The following ALMS1 variants were observed in gnomAD, a reference collection of about 807,000 sequenced individuals.
ALMS1 encodes the protein ALMS1 centrosome and basal body associated protein, also known as centrosome-associated protein ALMS1.
In ALMS1, 271 loss-of-function variants were observed where a neutral mutation model predicts 352.2. That is an observed-to-expected ratio of 0.77 (90% CI 0.70 to 0.85). The LOEUF (loss-of-function observed/expected upper bound fraction) is 0.85. Ranked by LOEUF, ALMS1 falls within the 40% of genes least tolerant of loss-of-function variation. The pLI, the probability that ALMS1 is intolerant of heterozygous loss-of-function variation, is 0.00. For missense variants in ALMS1, 5,445 were observed against 4,870.7 expected, an observed-to-expected ratio of 1.12 and a Z score of -3.51; for synonymous variants, 1,865 against 1,761.2, an observed-to-expected ratio of 1.06 and a Z score of -1.48.
At chr2:73,429,278 C>CTTTTTTTT (rs5832107) in intron 6 of ALMS1, among the ~76,000 whole-genome samples, 28 of 102,684 alleles carry the variant, frequency 2.7e-4, no homozygotes, top group Non-Finnish European at 3.8e-4. Context: ...AATTAATATG[C>CTTTTTTTT]TTTTTTTTTT....
rs145009331 is a variant in ALMS1 at position 73,424,487 on chromosome 2, T to C, written c.822T>C (p.Ser274=). 53 of 1,604,226 alleles carry C rather than the reference T, an allele frequency of 3.3e-5. No individual in the cohort carries two copies. In the African/African-American group the frequency reaches 6.7e-4, roughly 20 times the overall value. ...GGTCTTCTCGACCATCGGAAGTTAG[T>C]GAAGCTTTATTCCAGGCTACTGCAG... The part of the protein sequence containing the change: ...TEWSSRPSEV[S]EALFQATAEV... Residue 274 remains serine (S), a synonymous_variant, in exon 5 of 23, where the codon AGT becomes AGC. Transcript: ENST00000613296.
intron 11 of ALMS1, among the ~76,000 whole-genome samples, chr2:73,521,683 G>C (rs1304768050): frequency 1.3e-5 from 2 of 151,750 alleles, no homozygotes; most frequent in Non-Finnish European, 2.9e-5. Context: ...CCAGGAGGCG[G>C]AGCTTGCAGT....
intron 12 of ALMS1, among the ~76,000 whole-genome samples, chr2:73,538,339 C>A (rs1360302773): frequency 6.6e-6 from 1 of 152,138 alleles, no homozygotes; most frequent in Non-Finnish European, 1.5e-5. Context: ...AAATACCAAA[C>A]AAAACCATAG....
At chr2:73,522,837 A>G (rs1220580331) in intron 11 of ALMS1, among the ~76,000 whole-genome samples, 3 of 152,180 alleles carry the variant, frequency 2.0e-5, no homozygotes, top group South Asian at 2.1e-4. Context: ...AGTGATAGAA[A>G]TTAATGCCTC....
At chr2:73,545,887 A>G (rs963736244) in intron 12 of ALMS1, among the ~76,000 whole-genome samples, 4 of 152,226 alleles carry the variant, frequency 2.6e-5, no homozygotes, top group African/African-American at 9.6e-5. Flanking sequence ...TCATTCTCAA[A>G]ATTAATTGTA....
At chr2:73,491,565 T>C in intron 10 of ALMS1, 67 bp downstream of exon 10, 1 of 1,531,766 alleles carries the variant, frequency 6.5e-7, no homozygotes, top group Non-Finnish European at 9.0e-7. Context: ...AATACTTAAG[T>C]AGATATCGGT....
intron 3 of ALMS1, among the ~76,000 whole-genome samples, chr2:73,420,477 A>G (rs1671261681): frequency 6.6e-6 from 1 of 152,182 alleles, no homozygotes; most frequent in South Asian, 2.1e-4. Context: ...ACCCTTTATT[A>G]AAAAAGGTTT....
Position 73,385,930 on chromosome 2 carries a change from AGGAGGAGGAG to A in ALMS1, c.64_73del (p.Glu22LysfsTer16). Reference sequence around the variant, plus strand: ...GAGGAGGAGGAGGAGGAGGAGGAGGAGGAGGAGGAGGAAGAGGAGGAGGCTGCAGCGGCGG... The same window carrying A: ...GAGGAGGAGGAGGAGGAGGAGGAGGAGAAGAGGAGGAGGCTGCAGCGGCGG... On this transcript the variant is annotated frameshift_variant, in exon 1 of 23. Transcript: ENST00000613296. LOFTEE classifies it high-confidence loss of function. 1 of 1,063,370 alleles carries A rather than the reference AGGAGGAGGAG, an allele frequency of 9.4e-7. No homozygotes were observed. The highest frequency in any genetic ancestry group is 1.4e-6 in the Non-Finnish European group (1 of 708,446). The allele number at this position is 1,063,370 out of a possible 1,614,324, so 65.9% of individuals were successfully genotyped here.
Position 73,432,649 on chromosome 2 carries a change from A to G in ALMS1, c.1432+358A>G, listed in dbSNP as rs1454100636. ...GGTCTCTCTGGAGTCGTTTTTTGTA[A>G]TGGGCACTAATCCCAAACATGTGGC... On this transcript the variant is annotated intron_variant, in intron 7 of 22. Transcript: ENST00000613296. 4.0e-5 allele frequency among the ~76,000 whole-genome samples: 6 copies of G among 151,464 alleles called. No individual in the cohort carries two copies. In the South Asian group the frequency reaches 6.4e-4, roughly 16 times the overall value.
At position 73,522,747 on chromosome 2, in the gene ALMS1, GT is replaced by G. The variant is rs200153383; in HGVS notation, c.9781+2732del. Among the ~76,000 whole-genome samples, 393 of 152,286 alleles carry G rather than the reference GT, an allele frequency of 2.6e-3. 3 individuals are homozygous for G. The highest frequency in any genetic ancestry group is 8.5e-3 in the African/African-American group (354 of 41,562). ...CTCCCAAAGTGTTGGGATTACAGGC[GT>G]GAGCCACTGCGCCTGGCCAAGGTCA... On this transcript the variant is annotated intron_variant, in intron 11 of 22. Coordinates refer to ENST00000613296, the MANE Select transcript of ALMS1 (RefSeq NM_001378454.1).
At chr2:73,532,529 C>G (rs994748799) in intron 11 of ALMS1, among the ~76,000 whole-genome samples, 2 of 152,202 alleles carry the variant, frequency 1.3e-5, no homozygotes, top group Non-Finnish European at 2.9e-5. Flanking sequence ...CTTGTGGTGA[C>G]TGCTGGCTGC....
chr2:73,473,643 A>G (rs1672513794), intron 9 of ALMS1, among the ~76,000 whole-genome samples: 1 of 152,098 alleles, frequency 6.6e-6, no homozygotes, highest in South Asian at 2.1e-4. Context: ...GAACTAAGGG[A>G]AACCAAGAAA....
At position 73,490,360 on chromosome 2, in the gene ALMS1, G is replaced by A. The variant is rs780847401; in HGVS notation, c.8401G>A (p.Asp2801Asn). The A allele has an allele frequency of 1.2e-6, 2 of 1,612,898 alleles. No individual in the cohort carries two copies. Among genetic ancestry groups the A allele is most frequent in the South Asian group, 2.2e-5 (2 of 90,862 alleles). The change falls in exon 10 of 23, where the codon GAT (aspartate) becomes AAT (asparagine). Residue 2801 changes from aspartate (D) to asparagine (N), a missense_variant. Physicochemically the swap from Asp to Asn is conservative, Grantham distance 23 (BLOSUM62 1). Coordinates refer to ENST00000613296, the MANE Select transcript of ALMS1 (RefSeq NM_001378454.1). ...GRRQSQKLPV[D>N]FERSFQEEKP... ...AAGGCAAAGCCAAAAATTACCTGTTGATTTTGAGCGTTCTTTTCAAGAAGA... is the reference window on the plus strand; with the variant it reads ...AAGGCAAAGCCAAAAATTACCTGTTAATTTTGAGCGTTCTTTTCAAGAAGA...
rs772624348 is a variant in ALMS1, at chr2:73,572,357, C to T, written c.10480C>T (p.Gln3494Ter). ...IHHPVHLPSD[Q>*]DICHESLGKS... Reference sequence around the variant, plus strand: ...TCATCCCGTACACCTACCAAGTGATCAAGATATTTGCCATGAATCTTTGGG... The same window carrying T: ...TCATCCCGTACACCTACCAAGTGATTAAGATATTTGCCATGAATCTTTGGG... Residue 3494 changes from glutamine to a stop codon, truncating the protein, a stop_gained, in exon 16 of 23, where the codon CAA becomes TAA. Coordinates refer to ENST00000613296, the MANE Select transcript of ALMS1 (RefSeq NM_001378454.1). LOFTEE classifies it high-confidence loss of function. 104 of 1,608,160 alleles carry T rather than the reference C, an allele frequency of 6.5e-5. No individual in the cohort carries two copies. The highest frequency in any genetic ancestry group is 8.7e-5 in the Non-Finnish European group (103 of 1,177,758).
chr2:73,453,600 C>G lies in ALMS1; in HGVS notation c.7073C>G (p.Thr2358Arg). The G allele has an allele frequency of 1.2e-6, 2 of 1,613,902 alleles. No homozygotes were observed. The highest frequency in any genetic ancestry group is 1.7e-6 in the Non-Finnish European group (2 of 1,179,996). Residue 2358 changes from threonine to arginine, a missense_variant, in exon 8 of 23, where the codon ACA (threonine) becomes AGA (arginine). Physicochemically the swap from Thr to Arg is moderately conservative, Grantham distance 71. Coordinates refer to ENST00000613296, the MANE Select transcript of ALMS1 (RefSeq NM_001378454.1). The stretch of plus-strand genomic sequence containing the variant: ...AATTGGGAGTTTATTAGTTCAACTA[C>G]AGTTAGAAGTCCTCTACAGGAAGCA... Reference protein sequence around the residue: ...IENWEFISSTTVRSPLQEAES... With the variant: ...IENWEFISSTRVRSPLQEAES...
At chr2:73,582,544 A>G (rs2104135401) in intron 16 of ALMS1, among the ~76,000 whole-genome samples, 1 of 152,252 alleles carries the variant, frequency 6.6e-6, no homozygotes, top group Non-Finnish European at 1.5e-5. Flanking sequence ...CCCGTCCCCC[A>G]GCTCCTGGTA....
chr2:73,604,442 T>C (rs145238313), intron 21 of ALMS1, among the ~76,000 whole-genome samples: 43 of 152,374 alleles, frequency 2.8e-4, no homozygotes, highest in African/African-American at 9.9e-4. Context: ...TCATTTCAGA[T>C]ATTCATATAT....
Position 73,452,520 on chromosome 2 carries a change from T to A in ALMS1, c.5993T>A (p.Ile1998Asn). 6.2e-7 allele frequency: 1 copy of A among 1,614,040 alleles called. No homozygotes were observed. The highest frequency in any genetic ancestry group is 8.5e-7 in the Non-Finnish European group (1 of 1,179,980). Residue 1998 changes from isoleucine (I) to asparagine (N), a missense_variant, in exon 8 of 23, where the codon ATT becomes AAT. Ile to Asn is a moderately radical substitution (Grantham distance 149). Transcript: ENST00000613296. ...YSHSHKEKLK[I>N]STVHIPDDQK... ...CATTCACATAAAGAGAAACTCAAGA[T>A]TTCAACTGTGCATATACCAGATGAC...
At chr2:73,511,460 C>T (rs1468994386) in intron 10 of ALMS1, among the ~76,000 whole-genome samples, 2 of 147,508 alleles carry the variant, frequency 1.4e-5, no homozygotes, top group Admixed American at 1.3e-4. Context: ...TGAGGCGACA[C>T]CCCCACCCTG....
Sources: allele counts gnomAD v4.1 joint callset (sites outside exome capture counted in the v4.1 genomes callset), GRCh38; gene constraint gnomAD v4.1.1; transcripts MANE v1.5; gene names NCBI Gene and HGNC (gene_info 2026-07-23, HGNC 2026-07-21).